The following ST7 variants were observed in gnomAD, a reference collection of about 807,000 sequenced individuals.
ST7 encodes suppression of tumorigenicity 7.
A neutral mutation model predicts 78.7 loss-of-function variants in ST7; 28 were observed. The ratio of observed to expected loss-of-function variants is 0.36; its 90% CI spans 0.26 to 0.49. The LOEUF (loss-of-function observed/expected upper bound fraction) is 0.49, where lower values mean the gene tolerates loss of function less well. Among genes scored for constraint, ST7 ranks in the 20% least tolerant of loss-of-function variants. The pLI, the probability that ST7 is intolerant of heterozygous loss-of-function variation, is 0.99. For synonymous variants in ST7, 247 were observed against 249.6 expected, an observed-to-expected ratio of 0.99 and a Z score of 0.10; for missense variants, 418 against 696.0, an observed-to-expected ratio of 0.60 and a Z score of 4.49.
At chr7:117,020,513 C>T in intron 1 of ST7, 1 of 1,470,768 alleles carries the variant, frequency 6.8e-7, no homozygotes, top group Non-Finnish European at 9.1e-7. Flanking sequence ...CGGCTCATCT[C>T]TTCACTCTCA....
intron 1 of ST7, among the ~76,000 whole-genome samples, chr7:116,970,464 C>G (rs1367051620): frequency 3.3e-5 from 5 of 152,220 alleles, no homozygotes; most frequent in Admixed American, 3.3e-4. Context: ...GATCCTGTGT[C>G]TGGAGGGCTT....
In ST7 at chr7:117,174,721, T is replaced by A. The variant is rs73468793; in HGVS notation, c.1078+3745T>A. On this transcript the variant is annotated intron_variant, in intron 10 of 15. Coordinates refer to ENST00000323984, the MANE Select transcript of ST7 (RefSeq NM_001369598.1). The stretch of plus-strand genomic sequence containing the variant: ...CACAATCTATTGAGAACCTACCATG[T>A]GCCAAGCATGTTATTAGCTTGGCAT... 2.3e-3 allele frequency among the ~76,000 whole-genome samples: 345 copies of A among 152,342 alleles called. 2 individuals carry two copies. Among genetic ancestry groups the A allele is most frequent in the African/African-American group, 8.1e-3 (335 of 41,584 alleles).
At chr7:117,110,812 T>G (rs944411457) in intron 2 of ST7, among the ~76,000 whole-genome samples, 1 of 152,254 alleles carries the variant, frequency 6.6e-6, no homozygotes. Flanking sequence ...GGGATTTCCC[T>G]AGAGCCTGGC....
In ST7 at chr7:116,953,532, C is replaced by A; in HGVS notation, c.-9C>A. 4 of 1,366,766 alleles carry A rather than the reference C, an allele frequency of 2.9e-6. No homozygotes were observed. The highest frequency in any genetic ancestry group is 3.9e-6 in the Non-Finnish European group (4 of 1,035,138). 84.7% of individuals were successfully genotyped at this position (1,366,766 alleles called of 1,614,324 possible). ...CAAGAGCCGCGGCAGCAGAGAGGAG[C>A]GCTGAAACATGGCTGAAGCGGCCAC... is the stretch of plus-strand genomic sequence containing the variant. On this transcript the variant is annotated 5_prime_UTR_variant, in exon 1 of 16. Transcript: ENST00000323984.
intron 1 of ST7, among the ~76,000 whole-genome samples, chr7:116,960,389 A>G (rs1028792432): frequency 6.6e-6 from 1 of 152,046 alleles, no homozygotes; most frequent in African/African-American, 2.4e-5. Context: ...AGAGTTCGCC[A>G]TCTTGTCCAG....
chr7:117,119,508 A>G, intron 2 of ST7, 53 bp from the exon 3 acceptor site: 3 of 1,551,774 alleles, frequency 1.9e-6, no homozygotes, highest in South Asian at 2.4e-5. Flanking sequence ...GCATGTGTAC[A>G]GAAGTCGTAA....
At chr7:117,132,077 G>A (rs1804403862) in intron 6 of ST7, 117 bp downstream of exon 6, 1 of 1,076,686 alleles carries the variant, frequency 9.3e-7, no homozygotes, top group Non-Finnish European at 1.4e-6. Flanking sequence ...GATTATTTGG[G>A]GAGTTATTAC....
chr7:117,029,718 A>G (rs952218526), intron 1 of ST7, among the ~76,000 whole-genome samples: 4 of 150,232 alleles, frequency 2.7e-5, no homozygotes, highest in Non-Finnish European at 4.4e-5. Context: ...CATCTTTAGT[A>G]CATTTTTGTT....
chr7:117,049,323 C>T lies in ST7; in HGVS notation c.152-50439C>T, dbSNP rs533551480. On this transcript the variant is annotated intron_variant, in intron 1 of 15. Transcript: ENST00000323984. ...AAACCTGTTCAGGTAGGTATCCTTT[C>T]TCTTCAATTATTTTCTTAATGGCAC... 1.7e-3 allele frequency among the ~76,000 whole-genome samples: 252 copies of T among 152,294 alleles called. 2 individuals carry two copies. Among genetic ancestry groups the T allele is most frequent in the Non-Finnish European group, 3.3e-3 (224 of 68,036 alleles).
chr7:117,212,754 A>G (rs1792394367), intron 13 of ST7, among the ~76,000 whole-genome samples: 2 of 152,192 alleles, frequency 1.3e-5, no homozygotes, highest in African/African-American at 4.8e-5. Flanking sequence ...ATGCATATGT[A>G]TATATACACA....
chr7:117,196,619 T>G (rs892053720), intron 12 of ST7, among the ~76,000 whole-genome samples: 3 of 139,588 alleles, frequency 2.1e-5, no homozygotes, highest in African/African-American at 8.3e-5. Flanking sequence ...AATCAGATTG[T>G]TGGGCTTTTT....
rs1053967723 is a variant in ST7 at position 117,123,598 on chromosome 7, A to C, written c.394+3878A>C. 2.6e-5 allele frequency among the ~76,000 whole-genome samples: 4 copies of C among 152,174 alleles called. No homozygotes were observed. In the East Asian group the frequency reaches 5.8e-4, roughly 22 times the overall value. On this transcript the variant is annotated intron_variant, in intron 3 of 15. Transcript: ENST00000323984. ...ACTGCTGTTTTCCTCTCAGATATGC[A>C]GTTTCTGATAAACCCTGCTGATATA...
intron 1 of ST7, chr7:116,972,527 C>T: frequency 1.8e-6 from 2 of 1,113,888 alleles, no homozygotes; most frequent in Non-Finnish European, 2.7e-6. Context: ...TTATGAGCTA[C>T]CTCTTCATAT....
At chr7:117,134,990 C>CT (rs201060072) in intron 7 of ST7, among the ~76,000 whole-genome samples, 6 of 152,170 alleles carry the variant, frequency 3.9e-5, no homozygotes, top group African/African-American at 1.4e-4. Flanking sequence ...TCCTAGCTGG[C>CT]TATTGCAGTT....
chr7:116,956,598 C>T (rs1400312170), intron 1 of ST7: 1 of 471,198 alleles, frequency 2.1e-6, no homozygotes, highest in South Asian at 1.5e-5. Flanking sequence ...AGGCCCAGCT[C>T]TGTACCTGTA....
intron 1 of ST7, among the ~76,000 whole-genome samples, chr7:117,029,196 C>T (rs1006532907): frequency 2.6e-5 from 4 of 152,106 alleles, no homozygotes; most frequent in South Asian, 2.1e-4. Context: ...GTGGTTATAC[C>T]GTTTTACATT....
chr7:117,165,936 G>A (rs1019582354), intron 9 of ST7, among the ~76,000 whole-genome samples: 2 of 152,158 alleles, frequency 1.3e-5, no homozygotes, highest in Admixed American at 1.3e-4. Context: ...AGTGAGGTTG[G>A]CATATTAGAC....
chr7:117,160,653 G>GTGTGTGTATATATATA (rs150222080), intron 9 of ST7, among the ~76,000 whole-genome samples: 54 of 147,688 alleles, frequency 3.7e-4, no homozygotes, highest in African/African-American at 1.3e-3. Flanking sequence ...GTGTGTGTGT[G>GTGTGTGTATATATATA]TATATATATA....
intron 1 of ST7, among the ~76,000 whole-genome samples, chr7:116,955,884 G>C (rs1381915295): frequency 1.3e-5 from 2 of 152,152 alleles, no homozygotes; most frequent in Non-Finnish European, 2.9e-5. Flanking sequence ...AGATGAACGT[G>C]CCATCCGGGC....
Sources: allele counts gnomAD v4.1 joint callset (sites outside exome capture counted in the v4.1 genomes callset), GRCh38; gene constraint gnomAD v4.1.1; transcripts MANE v1.5; gene names NCBI Gene and HGNC (gene_info 2026-07-23, HGNC 2026-07-21).